Variants in TMTC2 observed in about 807,000 individuals in gnomAD.
The protein encoded by TMTC2 is protein O-mannosyl-transferase TMTC2.
A neutral mutation model predicts 82.4 loss-of-function variants in TMTC2; 43 were observed. The ratio of observed to expected loss-of-function variants is 0.52; its 90% CI spans 0.41 to 0.67. The LOEUF (loss-of-function observed/expected upper bound fraction) is 0.67, where lower values mean the gene tolerates loss of function less well. Among genes scored for constraint, TMTC2 ranks in the 30% least tolerant of loss-of-function variants. The pLI is 0.00. For missense variants in TMTC2, 919 were observed against 1,012.4 expected, an observed-to-expected ratio of 0.91 and a Z score of 1.25; for synonymous variants, 408 against 381.9, an observed-to-expected ratio of 1.07 and a Z score of -0.80.
chr12:82,912,819 T>A (rs1423383895), intron 3 of TMTC2, among the ~76,000 whole-genome samples: 1 of 151,908 alleles, frequency 6.6e-6, no homozygotes, highest in Non-Finnish European at 1.5e-5. Context: ...ATACCTGTAG[T>A]TGCAGCTACT....
intron 8 of TMTC2, among the ~76,000 whole-genome samples, chr12:82,996,090 A>C (rs1274247447): frequency 1.3e-5 from 2 of 152,244 alleles, no homozygotes; most frequent in Non-Finnish European, 2.9e-5. Context: ...ACAGTTCTGA[A>C]AGGAAAATGC....
At position 83,010,543 on chromosome 12, in the gene TMTC2, G is replaced by A. The variant is rs148553883; in HGVS notation, c.2071-20255G>A. 3.6e-3 allele frequency among the ~76,000 whole-genome samples: 549 copies of A among 152,234 alleles called. 1 individual carries two copies. The highest frequency in any genetic ancestry group is 5.6e-3 in the Non-Finnish European group (380 of 68,014). On this transcript the variant is annotated intron_variant, in intron 8 of 11. Coordinates refer to ENST00000321196, the MANE Select transcript of TMTC2 (RefSeq NM_152588.3). Reference sequence around the variant, plus strand: ...AAACACCTGATTTTAGCTGGTCAGGGAGATGAATTTGAGACTAATCTCCCA... The same window carrying A: ...AAACACCTGATTTTAGCTGGTCAGGAAGATGAATTTGAGACTAATCTCCCA...
intron 8 of TMTC2, among the ~76,000 whole-genome samples, chr12:83,020,585 T>C (rs1880871856): frequency 1.3e-5 from 2 of 152,234 alleles, no homozygotes; most frequent in Admixed American, 6.5e-5. Flanking sequence ...GAATACTGTT[T>C]TCATCAACTG....
At chr12:82,970,984 A>T (rs1480906534) in intron 7 of TMTC2, among the ~76,000 whole-genome samples, 1 of 152,066 alleles carries the variant, frequency 6.6e-6, no homozygotes, top group Non-Finnish European at 1.5e-5. Context: ...TTTCATCTAG[A>T]CCTAACCAAA....
intron 8 of TMTC2, among the ~76,000 whole-genome samples, chr12:82,993,854 G>T (rs963553025): frequency 6.6e-6 from 1 of 152,168 alleles, no homozygotes; most frequent in Non-Finnish European, 1.5e-5. Context: ...GAGATACATT[G>T]CAAGGGAGCA....
rs184965907 is a variant in TMTC2, at chr12:82,722,005, A to G, written c.83+34336A>G. On this transcript the variant is annotated intron_variant, in intron 1 of 11. Transcript: ENST00000321196. ...TGACATCATCAGGGATTTTTCTCAT[A>G]TACTCTGTGGATGTTTCACTTTTGT... Among the ~76,000 whole-genome samples, 895 of 151,750 alleles carry G rather than the reference A, an allele frequency of 5.9e-3. 10 individuals carry two copies. The highest frequency in any genetic ancestry group is 0.02 in the African/African-American group (838 of 41,536).
intron 11 of TMTC2, among the ~76,000 whole-genome samples, chr12:83,064,130 T>C (rs749025269): frequency 2.6e-5 from 4 of 151,852 alleles, no homozygotes; most frequent in Non-Finnish European, 4.4e-5. Flanking sequence ...TTGAGTATCA[T>C]GTTGATTTTT....
At chr12:82,783,665 G>A (rs1385111281) in intron 1 of TMTC2, among the ~76,000 whole-genome samples, 7 of 152,080 alleles carry the variant, frequency 4.6e-5, no homozygotes, top group Admixed American at 6.6e-5. Flanking sequence ...GGGGAAGAGT[G>A]CTTCCTACTA....
At chr12:82,733,464 A>G (rs1186328247) in intron 1 of TMTC2, among the ~76,000 whole-genome samples, 1 of 152,128 alleles carries the variant, frequency 6.6e-6, no homozygotes, top group Non-Finnish European at 1.5e-5. Flanking sequence ...CTGTAGTGTG[A>G]TTTCAGTCTT....
At chr12:82,719,160 C>T (rs1250704284) in intron 1 of TMTC2, among the ~76,000 whole-genome samples, 1 of 128,300 alleles carries the variant, frequency 7.8e-6, no homozygotes, top group Non-Finnish European at 1.5e-5. Context: ...GAGGCACGAT[C>T]TCAGCTCACT....
intron 1 of TMTC2, among the ~76,000 whole-genome samples, chr12:82,695,470 C>A (rs1872742691): frequency 6.6e-6 from 1 of 152,112 alleles, no homozygotes; most frequent in Admixed American, 6.5e-5. Flanking sequence ...CTATTGTAAA[C>A]CCAAAATTAC....
At position 82,793,146 on chromosome 12, in the gene TMTC2, C is replaced by A. The variant is rs1336509001; in HGVS notation, c.84-63864C>A. Among the ~76,000 whole-genome samples, 34 of 152,088 alleles carry A rather than the reference C, an allele frequency of 2.2e-4. 1 individual carries two copies. The highest frequency in any genetic ancestry group is 2.2e-3 in the Admixed American group (34 of 15,270). ...TTATTCAGAATTGTTTCCACAGTAT[C>A]CTCACTACCTAGCTATTTACACAAA... On this transcript the variant is annotated intron_variant, in intron 1 of 11. Transcript: ENST00000321196.
chr12:83,006,330 G>T (rs976977328), intron 8 of TMTC2, among the ~76,000 whole-genome samples: 1 of 152,108 alleles, frequency 6.6e-6, no homozygotes. Flanking sequence ...GGTCTCACTC[G>T]CTTGGAGAGG....
At chr12:82,996,592 A>G (rs988489242) in intron 8 of TMTC2, among the ~76,000 whole-genome samples, 13 of 152,232 alleles carry the variant, frequency 8.5e-5, no homozygotes, top group African/African-American at 1.9e-4. Flanking sequence ...GAAGACCTCA[A>G]TATGCAGAAT....
At chr12:83,107,212 C>A (rs1395914831) in intron 11 of TMTC2, among the ~76,000 whole-genome samples, 5 of 152,166 alleles carry the variant, frequency 3.3e-5, no homozygotes, top group African/African-American at 1.2e-4. Flanking sequence ...AAATGTAAAT[C>A]TTTGTGATAT....
intron 3 of TMTC2, among the ~76,000 whole-genome samples, chr12:82,923,023 T>G (rs1163070870): frequency 6.6e-6 from 1 of 152,138 alleles, no homozygotes; most frequent in Non-Finnish European, 1.5e-5. Context: ...TAGACAGAGG[T>G]CCATTTTGAC....
intron 9 of TMTC2, among the ~76,000 whole-genome samples, chr12:83,036,566 G>C (rs547684652): frequency 1.3e-5 from 2 of 149,140 alleles, no homozygotes; most frequent in East Asian, 4.1e-4. Flanking sequence ...TGGAAGTTCA[G>C]AATTTTTAAG....
At chr12:82,934,840 G>A (rs564443997) in intron 4 of TMTC2, among the ~76,000 whole-genome samples, 8 of 152,144 alleles carry the variant, frequency 5.3e-5, no homozygotes, top group Non-Finnish European at 1.0e-4. Context: ...TCCACCAGCA[G>A]TGTAAAAGCG....
chr12:83,082,240 A>G (rs1197443053), intron 11 of TMTC2, among the ~76,000 whole-genome samples: 1 of 152,182 alleles, frequency 6.6e-6, no homozygotes, highest in African/African-American at 2.4e-5. Context: ...TTTAATGCAA[A>G]TGTGTTACCT....
Sources: allele counts gnomAD v4.1 joint callset (sites outside exome capture counted in the v4.1 genomes callset), GRCh38; gene constraint gnomAD v4.1.1; transcripts MANE v1.5; gene names NCBI Gene and HGNC (gene_info 2026-07-23, HGNC 2026-07-21).